Variants in ACTR3B observed in about 807,000 individuals in gnomAD.
ACTR3B encodes actin related protein 3B.
Under a neutral mutation model 59.0 loss-of-function variants are expected in ACTR3B, and 8 were observed. That is an observed-to-expected ratio of 0.14 (90% confidence interval 0.08 to 0.24). The LOEUF is 0.24. Ranked by LOEUF, ACTR3B falls within the 10% of genes least tolerant of loss-of-function variation. The pLI, the probability that ACTR3B is intolerant of heterozygous loss-of-function variation, is 1.00. For missense variants in ACTR3B, 245 were observed against 552.3 expected (o/e 0.44, Z 5.58); for synonymous variants, 148 against 197.9 (o/e 0.75, Z 2.12).
At chr7:152,835,952 G>T (rs963361996) in intron 9 of ACTR3B, among the ~76,000 whole-genome samples, 6 of 149,708 alleles carry the variant, frequency 4.0e-5, no homozygotes, top group African/African-American at 1.5e-4. Flanking sequence ...CCTGGTGAAC[G>T]AGAGGCACGG....
chr7:152,765,489 C>A (rs1299259505), intron 1 of ACTR3B, among the ~76,000 whole-genome samples: 1 of 151,370 alleles, frequency 6.6e-6, no homozygotes, highest in Admixed American at 6.6e-5. Flanking sequence ...CTTGCCCTCC[C>A]AAAAGCCACC....
At chr7:152,853,472 T>C in intron 10 of ACTR3B, 22 bp from the exon 11 acceptor site, 2 of 1,611,130 alleles carry the variant, frequency 1.2e-6, no homozygotes, top group Non-Finnish European at 1.7e-6. Context: ...GTGGGGTAAG[T>C]GAGAGCTGCT....
chr7:152,802,968 A>G (rs10464441), intron 4 of ACTR3B, among the ~76,000 whole-genome samples: 80,584 of 152,120 alleles, frequency 0.53, 23,265 homozygotes, highest in East Asian at 0.72. Context: ...GAAATTGCCA[A>G]GTATGGCTAC....
At chr7:152,821,226 A>G (rs771665154) in intron 7 of ACTR3B, among the ~76,000 whole-genome samples, 21 of 152,094 alleles carry the variant, frequency 1.4e-4, no homozygotes, top group Non-Finnish European at 2.5e-4. Flanking sequence ...TTAGACTAAA[A>G]TATTTCCTAA....
chr7:152,769,810 T>C (rs1176841664), intron 1 of ACTR3B, among the ~76,000 whole-genome samples: 5 of 151,676 alleles, frequency 3.3e-5, no homozygotes, highest in African/African-American at 1.2e-4. Flanking sequence ...TGAGTAATTA[T>C]GAAATTAGCT....
chr7:152,816,248 C>T (rs1157634593), intron 5 of ACTR3B, among the ~76,000 whole-genome samples: 1 of 152,042 alleles, frequency 6.6e-6, no homozygotes, highest in Non-Finnish European at 1.5e-5. Flanking sequence ...CAGTCAGCCA[C>T]GTTTCTTTAT....
intron 2 of ACTR3B, among the ~76,000 whole-genome samples, chr7:152,794,830 C>G (rs147489604): frequency 0.052 from 7,975 of 152,244 alleles, 280 homozygotes; most frequent in South Asian, 0.12. Flanking sequence ...CGTGTTTCCA[C>G]TTCACTCGTG....
At chr7:152,839,283 G>A (rs1381613316) in intron 9 of ACTR3B, among the ~76,000 whole-genome samples, 2 of 143,174 alleles carry the variant, frequency 1.4e-5, no homozygotes, top group South Asian at 2.1e-4. Context: ...GCGCCCATGT[G>A]TGTTGAGTGC....
intron 1 of ACTR3B, among the ~76,000 whole-genome samples, chr7:152,764,107 G>A (rs1332388956): frequency 1.3e-5 from 2 of 151,728 alleles, no homozygotes; most frequent in South Asian, 2.1e-4. Flanking sequence ...CCGGGTTCAA[G>A]CGATTCTCCT....
intron 9 of ACTR3B, among the ~76,000 whole-genome samples, chr7:152,829,065 C>A (rs1348821009): frequency 1.4e-5 from 2 of 144,712 alleles, no homozygotes; most frequent in Admixed American, 6.7e-5. Context: ...TATACACACA[C>A]ACACACACAT....
At chr7:152,848,621 G>A (rs1036865545) in intron 9 of ACTR3B, among the ~76,000 whole-genome samples, 10 of 152,302 alleles carry the variant, frequency 6.6e-5, no homozygotes, top group African/African-American at 4.8e-5. Context: ...ATCGGCCAGC[G>A]TGGCCAATCA....
At chr7:152,844,097 G>T (rs1798077313) in intron 9 of ACTR3B, among the ~76,000 whole-genome samples, 1 of 152,194 alleles carries the variant, frequency 6.6e-6, no homozygotes, top group Admixed American at 6.5e-5. Flanking sequence ...AGATGGAGTT[G>T]CCCAGGTTGG....
chr7:152,835,650 G>C (rs981577845), intron 9 of ACTR3B, among the ~76,000 whole-genome samples: 10 of 152,188 alleles, frequency 6.6e-5, no homozygotes, highest in Admixed American at 2.0e-4. Context: ...AACACATTAT[G>C]GGTGAAGTGG....
At chr7:152,795,140 T>G (rs2098212053) in intron 2 of ACTR3B, among the ~76,000 whole-genome samples, 1 of 151,760 alleles carries the variant, frequency 6.6e-6, no homozygotes, top group African/African-American at 2.4e-5. Flanking sequence ...GTTCAAGCAA[T>G]TCTCCTGCCT....
chr7:152,853,674 A>G, intron 11 of ACTR3B, 97 bp downstream of exon 11: 1 of 1,095,000 alleles, frequency 9.1e-7, no homozygotes, highest in Non-Finnish European at 1.4e-6. Context: ...TGTGTGCCCT[A>G]ATCGTGTGGC....
intron 1 of ACTR3B, among the ~76,000 whole-genome samples, chr7:152,766,387 G>C (rs1250512184): frequency 6.6e-6 from 1 of 151,956 alleles, no homozygotes; most frequent in Non-Finnish European, 1.5e-5. Context: ...AGCACGTGCC[G>C]GAATTCCAGA....
intron 4 of ACTR3B, among the ~76,000 whole-genome samples, chr7:152,810,004 C>T (rs540215462): frequency 2.7e-4 from 41 of 152,176 alleles, no homozygotes; most frequent in Non-Finnish European, 5.1e-4. Context: ...GTAATGTTAA[C>T]TATATTCACA....
At chr7:152,793,720 T>G (rs2116691784) in intron 2 of ACTR3B, among the ~76,000 whole-genome samples, 1 of 152,018 alleles carries the variant, frequency 6.6e-6, no homozygotes, top group South Asian at 2.1e-4. Context: ...AGTTGAGATG[T>G]TACTGGTTTT....
Position 152,798,150 on chromosome 7 carries a change from C to T in ACTR3B, c.101-2381C>T, listed in dbSNP as rs564304717. On this transcript the variant is annotated intron_variant, in intron 2 of 11. Transcript: ENST00000256001. ...ATGGCTCTACTGATTTGCATTCCCA[C>T]CTATAGTGTATAAAGGTTCTCTTTT... is the stretch of plus-strand genomic sequence containing the variant. 1.7e-3 allele frequency among the ~76,000 whole-genome samples: 252 copies of T among 152,202 alleles called. 1 individual carries two copies. The highest frequency in any genetic ancestry group is 3.7e-3 in the South Asian group (18 of 4,822).
Sources: gnomAD v4.1 joint callset for allele counts (sites outside exome capture counted in the v4.1 genomes callset) on GRCh38, gnomAD v4.1.1 for gene constraint, MANE v1.5 for transcripts, NCBI Gene and HGNC (gene_info 2026-07-23, HGNC 2026-07-21) for gene names.